The following ZDHHC18 variants were observed in gnomAD, a reference collection of about 807,000 sequenced individuals.
The protein encoded by ZDHHC18 is zDHHC palmitoyltransferase 18, also known as palmitoyltransferase ZDHHC18.
Under a neutral mutation model 37.5 loss-of-function variants are expected in ZDHHC18, and 23 were observed. That is an observed-to-expected ratio of 0.61 (90% CI 0.44 to 0.87). The LOEUF is 0.87. Among genes scored for constraint, ZDHHC18 ranks in the 40% least tolerant of loss-of-function variants. The pLI is 0.00. For synonymous variants in ZDHHC18, 185 were observed against 218.7 expected (o/e 0.85, Z 1.36); for missense variants, 406 against 525.6 (o/e 0.77, Z 2.22).
At chr1:26,835,951 C>T (rs553844295) in intron 2 of ZDHHC18, among the ~76,000 whole-genome samples, 2 of 152,272 alleles carry the variant, frequency 1.3e-5, no homozygotes, top group Non-Finnish European at 2.9e-5. Context: ...GGTAGAGTGA[C>T]CAGCTCCTCC....
At chr1:26,833,983 G>A (rs1557640693) in intron 2 of ZDHHC18, among the ~76,000 whole-genome samples, 1 of 152,112 alleles carries the variant, frequency 6.6e-6, no homozygotes, top group South Asian at 2.1e-4. Flanking sequence ...GCCTGCGAGG[G>A]CCACCTCCTC....
chr1:26,828,038 G>GC (rs1231284540), intron 1 of ZDHHC18, among the ~76,000 whole-genome samples: 6 of 152,080 alleles, frequency 3.9e-5, no homozygotes, highest in African/African-American at 9.7e-5. Flanking sequence ...GGTCATATTT[G>GC]CCCCCCTAGG....
chr1:26,843,971 C>T (rs2081650912), intron 2 of ZDHHC18, among the ~76,000 whole-genome samples: 2 of 152,210 alleles, frequency 1.3e-5, no homozygotes, highest in South Asian at 4.2e-4. Context: ...TTTCTAACAC[C>T]ATGGATTACT....
At chr1:26,832,087 G>A (rs2081590799) in intron 1 of ZDHHC18, 2 of 187,666 alleles carry the variant, frequency 1.1e-5, no homozygotes, top group African/African-American at 2.3e-5. Flanking sequence ...GTGAATGAAT[G>A]AGTGAATGAA....
At chr1:26,844,793 T>C (rs375520241) in intron 2 of ZDHHC18, among the ~76,000 whole-genome samples, 22 of 152,242 alleles carry the variant, frequency 1.4e-4, no homozygotes, top group Admixed American at 2.6e-4. Flanking sequence ...ATAAGCACTT[T>C]TTCACGTGTT....
At chr1:26,843,731 A>G (rs924184017) in intron 2 of ZDHHC18, among the ~76,000 whole-genome samples, 1 of 151,648 alleles carries the variant, frequency 6.6e-6, no homozygotes, top group Admixed American at 6.6e-5. Context: ...CGGAGGTTGC[A>G]GTGAGCCGAC....
At chr1:26,851,380 C>G in intron 6 of ZDHHC18, 149 bp downstream of exon 6, 1 of 719,116 alleles carries the variant, frequency 1.4e-6, no homozygotes, top group Non-Finnish European at 2.4e-6. Flanking sequence ...CCAGTCATCT[C>G]AGCTTGGCCC....
At chr1:26,853,645 G>A in intron 7 of ZDHHC18, 81 bp from the exon 8 acceptor site, 1 of 1,355,620 alleles carries the variant, frequency 7.4e-7, no homozygotes, top group Non-Finnish European at 1.0e-6. Context: ...CCTTGGCTGA[G>A]ATAGACTCTG....
At chr1:26,835,569 C>T (rs190878179) in intron 2 of ZDHHC18, among the ~76,000 whole-genome samples, 129 of 152,178 alleles carry the variant, frequency 8.5e-4, no homozygotes, top group African/African-American at 2.9e-3. Context: ...GGCATGGTGG[C>T]GTGTGCCTGT....
At chr1:26,828,345 C>T (rs984274413) in intron 1 of ZDHHC18, among the ~76,000 whole-genome samples, 1 of 152,006 alleles carries the variant, frequency 6.6e-6, no homozygotes, top group Non-Finnish European at 1.5e-5. Flanking sequence ...AATTGCGTGA[C>T]CTCAGGGCAG....
intron 7 of ZDHHC18, chr1:26,853,100 A>C: frequency 2.3e-6 from 1 of 444,424 alleles, no homozygotes. Context: ...TGGATATGAC[A>C]TGTAATTCTA....
chr1:26,826,689 G>A lies in ZDHHC18; in HGVS notation c.-116G>A, dbSNP rs2081557643. 1 of 331,014 alleles carries A rather than the reference G, an allele frequency of 3.0e-6. No homozygotes were observed. The highest frequency in any genetic ancestry group is 4.3e-6 in the Non-Finnish European group (1 of 233,982). The allele number at this position is 331,014 out of a possible 1,614,324, so 20.5% of individuals were successfully genotyped here. A position where few individuals can be genotyped will look rare whatever the true frequency, so the allele number is the denominator to read the frequency against. On this transcript the variant is annotated 5_prime_UTR_variant, in exon 1 of 8. The change creates a new upstream start codon in the 5' untranslated region. Coordinates refer to ENST00000374142, the MANE Select transcript of ZDHHC18 (RefSeq NM_032283.3). This position sits in a 1 kb window ranked among gnomAD's most constrained non-coding sequence, Gnocchi z 5.2. ...GCGGAGCGATGGCGGGGCCGCCCCAGTGAGTGAGCGAGCGAGCGCCGCGCG... is the reference window on the plus strand; with the variant it reads ...GCGGAGCGATGGCGGGGCCGCCCCAATGAGTGAGCGAGCGAGCGCCGCGCG...
intron 7 of ZDHHC18, 131 bp from the exon 8 acceptor site, chr1:26,853,595 G>A: frequency 1.2e-6 from 1 of 865,994 alleles, no homozygotes; most frequent in Non-Finnish European, 1.8e-6. Flanking sequence ...CAGATGGGCA[G>A]CAGCTCTCCT....
At chr1:26,830,473 T>C (rs575031584) in intron 1 of ZDHHC18, among the ~76,000 whole-genome samples, 51 of 151,954 alleles carry the variant, frequency 3.4e-4, no homozygotes, top group Non-Finnish European at 6.3e-4. Flanking sequence ...CCAGGTACAG[T>C]AGTACAGTAA....
Position 26,853,912 on chromosome 1 carries a change from A to C in ZDHHC18, c.*69A>C, listed in dbSNP as rs978265565. The C allele has an allele frequency of 1.5e-6, 2 of 1,363,198 alleles. No homozygotes were observed. Among genetic ancestry groups the C allele is most frequent in the Admixed American group, 1.8e-5 (1 of 55,770 alleles). 84.4% of individuals were successfully genotyped at this position (1,363,198 alleles called of 1,614,324 possible). On this transcript the variant is annotated 3_prime_UTR_variant, in exon 8 of 8. Transcript: ENST00000374142. ...GCACTCACCTGCCGGGACCCTCCCTATTCCATCCAAGGGAAGCAGAACTGC... is the reference window on the plus strand; with the variant it reads ...GCACTCACCTGCCGGGACCCTCCCTCTTCCATCCAAGGGAAGCAGAACTGC...
Position 26,851,382 on chromosome 1 carries a change from G to T in ZDHHC18, c.936+151G>T, listed in dbSNP as rs906446050. ...AGCCAGATGCCTCCCAGTCATCTCA[G>T]CTTGGCCCTGGTGGGTCCGATGCAG... is the stretch of plus-strand genomic sequence containing the variant. On this transcript the variant is annotated intron_variant, in intron 6 of 7. Coordinates refer to ENST00000374142, the MANE Select transcript of ZDHHC18 (RefSeq NM_032283.3). The T allele has an allele frequency of 1.1e-5, 8 of 716,250 alleles. No individual in the cohort carries two copies. In the East Asian group the frequency reaches 2.2e-4, roughly 19 times the overall value. 44.4% of individuals were successfully genotyped at this position (716,250 alleles called of 1,614,324 possible).
chr1:26,844,900 A>G (rs577747123), intron 2 of ZDHHC18, among the ~76,000 whole-genome samples: 3 of 144,344 alleles, frequency 2.1e-5, no homozygotes, highest in Non-Finnish European at 4.5e-5. Flanking sequence ...GACTTACAGG[A>G]TTTCTTTACA....
At chr1:26,835,744 G>A (rs915564164) in intron 2 of ZDHHC18, among the ~76,000 whole-genome samples, 2 of 152,176 alleles carry the variant, frequency 1.3e-5, no homozygotes, top group East Asian at 3.9e-4. Flanking sequence ...AAAATGATCA[G>A]GACTAAGATC....
In ZDHHC18 at chr1:26,837,905, G is replaced by T. The variant is rs374768317; in HGVS notation, c.496+5298G>T. Among the ~76,000 whole-genome samples, 307 of 152,172 alleles carry T rather than the reference G, an allele frequency of 2.0e-3. 1 individual carries two copies. The highest frequency in any genetic ancestry group is 7.1e-3 in the African/African-American group (296 of 41,498). On this transcript the variant is annotated intron_variant, in intron 2 of 7. Coordinates refer to ENST00000374142, the MANE Select transcript of ZDHHC18 (RefSeq NM_032283.3). ...CGCTGTGCACTGGATGCCTCAGTGC[G>T]TTTGCTTGTGCTTGTGCTGTCCCCG...
Sources: allele counts gnomAD v4.1 joint callset (sites outside exome capture counted in the v4.1 genomes callset), GRCh38; gene constraint gnomAD v4.1.1; non-coding constraint Gnocchi (gnomAD v3.1); transcripts MANE v1.5; gene names NCBI Gene and HGNC (gene_info 2026-07-23, HGNC 2026-07-21).